Variants in SYN2 observed in about 807,000 individuals in gnomAD.
SYN2 encodes the protein synapsin-2.
A neutral mutation model predicts 50.9 loss-of-function variants in SYN2; 19 were observed. That is an observed-to-expected ratio of 0.37 (90% CI 0.26 to 0.55). The LOEUF (loss-of-function observed/expected upper bound fraction) is 0.55. SYN2 is among the 20% of genes least tolerant of loss of function. SYN2 has a pLI of 0.81. For synonymous variants in SYN2, 255 were observed against 224.9 expected, an observed-to-expected ratio of 1.13 and a Z score of -1.20; for missense variants, 587 against 576.4, an observed-to-expected ratio of 1.02 and a Z score of -0.19.
intron 1 of SYN2, among the ~76,000 whole-genome samples, chr3:12,028,337 C>T (rs1334250137): frequency 4.0e-5 from 6 of 150,632 alleles, no homozygotes; most frequent in African/African-American, 1.5e-4. Context: ...AATAAACATA[C>T]GTGTGCATGT....
At chr3:12,073,513 G>A (rs1476621294) in intron 1 of SYN2, among the ~76,000 whole-genome samples, 5 of 152,106 alleles carry the variant, frequency 3.3e-5, no homozygotes, top group African/African-American at 1.2e-4. Flanking sequence ...TTTTGTTGCT[G>A]CAATTTCTTC....
chr3:12,142,374 G>A, intron 3 of SYN2, among the ~76,000 whole-genome samples: 1 of 152,180 alleles, frequency 6.6e-6, no homozygotes, highest in East Asian at 1.9e-4. Context: ...ACTTGAAAAT[G>A]TCTGATGTAG....
chr3:12,116,639 C>T (rs1696438273), intron 1 of SYN2, among the ~76,000 whole-genome samples: 1 of 152,162 alleles, frequency 6.6e-6, no homozygotes, highest in South Asian at 2.1e-4. Flanking sequence ...TAAACAGTCT[C>T]CTCCTCTACA....
At chr3:12,070,298 A>G in intron 1 of SYN2, 1 of 493,052 alleles carries the variant, frequency 2.0e-6, no homozygotes, top group East Asian at 5.1e-5. Context: ...GCTGGGGACG[A>G]CGCCCCCTGA....
intron 11 of SYN2, 34 bp from the exon 12 acceptor site, chr3:12,187,335 T>C (rs1698361110): frequency 6.7e-7 from 1 of 1,493,206 alleles, no homozygotes; most frequent in South Asian, 1.3e-5. Flanking sequence ...TTTTATATGG[T>C]TAAATTATGA....
intron 1 of SYN2, among the ~76,000 whole-genome samples, chr3:12,016,803 C>T (rs1392581827): frequency 6.6e-6 from 1 of 152,144 alleles, no homozygotes; most frequent in African/African-American, 2.4e-5. Context: ...TTGCTGTGAG[C>T]TGAGATCGCG....
chr3:12,174,658 T>C (rs1034373009), intron 10 of SYN2, among the ~76,000 whole-genome samples: 1 of 152,140 alleles, frequency 6.6e-6, no homozygotes, highest in Non-Finnish European at 1.5e-5. Context: ...ATTTTTTGTA[T>C]TTTAGTAGAG....
chr3:12,019,602 T>C (rs1008008222), intron 1 of SYN2, among the ~76,000 whole-genome samples: 7 of 152,224 alleles, frequency 4.6e-5, no homozygotes, highest in East Asian at 1.9e-4. Context: ...AGATAACTTA[T>C]GCAGTCAGGT....
intron 1 of SYN2, among the ~76,000 whole-genome samples, chr3:12,123,451 CT>C (rs1346201603): frequency 6.6e-6 from 1 of 152,188 alleles, no homozygotes; most frequent in African/African-American, 2.4e-5. Context: ...CTAGAATTTT[CT>C]ACTTAGTTAA....
chr3:12,019,070 A>G (rs1424136145), intron 1 of SYN2, among the ~76,000 whole-genome samples: 1 of 152,162 alleles, frequency 6.6e-6, no homozygotes, highest in African/African-American at 2.4e-5. Flanking sequence ...GTGGACATAT[A>G]TCTTATGACC....
intron 1 of SYN2, among the ~76,000 whole-genome samples, chr3:12,081,261 T>G (rs995036140): frequency 6.6e-6 from 1 of 152,194 alleles, no homozygotes; most frequent in Non-Finnish European, 1.5e-5. Flanking sequence ...GTCCATAATA[T>G]CAAGTCACAA....
chr3:12,078,820 C>T (rs1695526543), intron 1 of SYN2, among the ~76,000 whole-genome samples: 1 of 151,996 alleles, frequency 6.6e-6, no homozygotes. Flanking sequence ...TTTTAAAATA[C>T]TTTCTTCTAA....
At chr3:12,059,263 C>T (rs537966651) in intron 1 of SYN2, among the ~76,000 whole-genome samples, 55 of 152,280 alleles carry the variant, frequency 3.6e-4, no homozygotes, top group African/African-American at 1.1e-3. Flanking sequence ...CAAGGAAAAT[C>T]ATAAATCAAT....
intron 1 of SYN2, among the ~76,000 whole-genome samples, chr3:12,060,171 T>A (rs1339835488): frequency 6.6e-6 from 1 of 152,188 alleles, no homozygotes; most frequent in Non-Finnish European, 1.5e-5. Context: ...ATGGGCTAGC[T>A]GGAGATTGAG....
chr3:12,097,400 A>G (rs1695958152), intron 1 of SYN2, among the ~76,000 whole-genome samples: 1 of 152,038 alleles, frequency 6.6e-6, no homozygotes, highest in South Asian at 2.1e-4. Flanking sequence ...AGGTCAGGAG[A>G]TCAAGACCAT....
At chr3:12,146,479 C>G (rs1156256505) in intron 4 of SYN2, among the ~76,000 whole-genome samples, 1 of 152,114 alleles carries the variant, frequency 6.6e-6, no homozygotes, top group East Asian at 1.9e-4. Context: ...CTATAGGATG[C>G]CAGTTTCTGA....
intron 1 of SYN2, among the ~76,000 whole-genome samples, chr3:12,136,830 A>G (rs77012173): frequency 1.3e-3 from 204 of 152,300 alleles, no homozygotes; most frequent in East Asian, 3.3e-3. Context: ...ATAGGGGGAA[A>G]TTGACAACAC....
intron 5 of SYN2, among the ~76,000 whole-genome samples, chr3:12,159,768 C>T (rs1355609442): frequency 6.6e-6 from 1 of 152,064 alleles, no homozygotes; most frequent in Non-Finnish European, 1.5e-5. Context: ...GCAGGCTGGG[C>T]GTGGTGGCTC....
At chr3:12,062,312 G>A (rs888676148) in intron 1 of SYN2, among the ~76,000 whole-genome samples, 5 of 151,914 alleles carry the variant, frequency 3.3e-5, no homozygotes, top group African/African-American at 1.2e-4. Flanking sequence ...CATATGCAGG[G>A]TAGTGAACCT....
Sources: allele counts gnomAD v4.1 joint callset (sites outside exome capture counted in the v4.1 genomes callset), GRCh38; gene constraint gnomAD v4.1.1; transcripts MANE v1.5; gene names NCBI Gene and HGNC (gene_info 2026-07-23, HGNC 2026-07-21).